ATE1: variants seen among roughly 807,000 people sequenced by gnomAD.
The protein encoded by ATE1 is arginyl-tRNA--protein transferase 1.
ATE1 carries 36 observed loss-of-function variants against 70.5 expected under a neutral mutation model. That is an observed-to-expected ratio of 0.51 (90% CI 0.39 to 0.67). ATE1 has a LOEUF of 0.67. Ranked by LOEUF, ATE1 falls within the 30% of genes least tolerant of loss-of-function variation. The pLI is 0.00. For synonymous variants in ATE1, 232 were observed against 219.3 expected (o/e 1.06, Z -0.51); for missense variants, 593 against 629.5 (o/e 0.94, Z 0.62).
chr10:121,921,015 C>T (rs6585767), intron 3 of ATE1, among the ~76,000 whole-genome samples: 136,454 of 151,590 alleles, frequency 0.9, 61,553 homozygotes, highest in Middle Eastern at 0.96. Context: ...AAAAAAAAAA[C>T]TGGACTCTAA....
intron 8 of ATE1, among the ~76,000 whole-genome samples, chr10:121,858,062 T>C (rs1484553666): frequency 6.6e-6 from 1 of 152,222 alleles, no homozygotes; most frequent in Non-Finnish European, 1.5e-5. Context: ...CATATCTATG[T>C]ACCATTTTGT....
At chr10:121,861,650 G>T (rs1051268529) in intron 8 of ATE1, among the ~76,000 whole-genome samples, 1 of 149,696 alleles carries the variant, frequency 6.7e-6, no homozygotes, top group East Asian at 2.0e-4. Flanking sequence ...CCTAATGCTA[G>T]ATGACGAGTT....
At chr10:121,794,631 A>C (rs1946583543) in intron 10 of ATE1, among the ~76,000 whole-genome samples, 1 of 132,580 alleles carries the variant, frequency 7.5e-6, no homozygotes, top group African/African-American at 2.9e-5. Flanking sequence ...AAAAAAAAAA[A>C]AAGGAGAAGA....
intron 7 of ATE1, among the ~76,000 whole-genome samples, chr10:121,895,825 A>G (rs752771805): frequency 2.0e-5 from 3 of 152,216 alleles, no homozygotes; most frequent in Admixed American, 1.3e-4. Flanking sequence ...TGGCTAAGGC[A>G]TAAGAATCAC....
At chr10:121,874,619 C>T (rs1949971236) in intron 7 of ATE1, among the ~76,000 whole-genome samples, 2 of 152,102 alleles carry the variant, frequency 1.3e-5, no homozygotes, top group South Asian at 2.1e-4. Context: ...ATTCTCTATC[C>T]CAATTGCAAG....
chr10:121,769,705 A>G (rs868298328), intron 11 of ATE1, among the ~76,000 whole-genome samples: 12 of 152,376 alleles, frequency 7.9e-5, no homozygotes, highest in Middle Eastern at 3.4e-3. Flanking sequence ...CACAAAGAAC[A>G]TGAGGAGACA....
chr10:121,853,575 C>T (rs776702453), intron 8 of ATE1, among the ~76,000 whole-genome samples: 32 of 151,490 alleles, frequency 2.1e-4, no homozygotes, highest in Non-Finnish European at 1.9e-4. Context: ...ATCCAAAATC[C>T]GAAATACTTT....
intron 5 of ATE1, among the ~76,000 whole-genome samples, chr10:121,904,012 C>T (rs1313136093): frequency 6.6e-6 from 1 of 150,668 alleles, no homozygotes; most frequent in East Asian, 2.0e-4. Flanking sequence ...CAGAGTCTCG[C>T]TCTGTCACCC....
chr10:121,846,157 C>G (rs1948812480), intron 8 of ATE1, among the ~76,000 whole-genome samples: 1 of 150,552 alleles, frequency 6.6e-6, no homozygotes, highest in Admixed American at 6.6e-5. Context: ...ACCAAAATAC[C>G]CAACATTGAG....
At chr10:121,850,918 C>T (rs4752608) in intron 8 of ATE1, among the ~76,000 whole-genome samples, 44,514 of 151,306 alleles carry the variant, frequency 0.29, 7,808 homozygotes, top group Middle Eastern at 0.41. Context: ...AGTGAAACCC[C>T]GTTTCTACTA....
intron 11 of ATE1, among the ~76,000 whole-genome samples, chr10:121,770,085 T>C (rs1159875817): frequency 6.6e-6 from 1 of 152,220 alleles, no homozygotes; most frequent in Non-Finnish European, 1.5e-5. Flanking sequence ...AGTCCTAAAC[T>C]GAAAAACAAC....
chr10:121,819,812 C>G (rs543125674), intron 10 of ATE1, among the ~76,000 whole-genome samples: 2 of 151,664 alleles, frequency 1.3e-5, no homozygotes, highest in East Asian at 1.9e-4. Flanking sequence ...CTGTTCCCCG[C>G]CCCCCAACAA....
At position 121,927,198 on chromosome 10, in the gene ATE1, G is replaced by A. The variant is rs993865007; in HGVS notation, c.106+646C>T. On this transcript the variant is annotated intron_variant, in intron 1 of 11. Transcript: ENST00000224652. ...GATGGAAAAACAAAACAAACTTGTG[G>A]GCTGGCTTTGCTGTCGTCCGGGTGG... 2.0e-5 allele frequency: 20 copies of A among 985,446 alleles called. No individual in the cohort carries two copies. In the African/African-American group the frequency reaches 3.3e-4, roughly 16 times the overall value. The allele number at this position is 985,446 out of a possible 1,614,324, so 61.0% of individuals were successfully genotyped here.
chr10:121,842,601 A>G (rs1948670250), intron 8 of ATE1, among the ~76,000 whole-genome samples: 1 of 152,204 alleles, frequency 6.6e-6, no homozygotes. Flanking sequence ...ATCAAATCCA[A>G]CAATATATAA....
At chr10:121,782,366 A>C (rs1216127564) in intron 11 of ATE1, 1 of 152,228 alleles carries the variant, frequency 6.6e-6, no homozygotes, top group Non-Finnish European at 1.5e-5. Flanking sequence ...TCAAATGTGG[A>C]AATTTTAAAG....
intron 11 of ATE1, among the ~76,000 whole-genome samples, chr10:121,767,560 T>C (rs1945327475): frequency 6.6e-6 from 1 of 152,202 alleles, no homozygotes; most frequent in African/African-American, 2.4e-5. Flanking sequence ...ACATAGAAAC[T>C]AGCTGCATTG....
At chr10:121,924,226 G>A (rs1294067187) in intron 2 of ATE1, 40 bp downstream of exon 2, 12 of 1,586,720 alleles carry the variant, frequency 7.6e-6, no homozygotes, top group Non-Finnish European at 1.0e-5. Flanking sequence ...TCAAGAACCT[G>A]AGTAACAGTA....
intron 10 of ATE1, among the ~76,000 whole-genome samples, chr10:121,812,963 C>T (rs1947386286): frequency 6.6e-6 from 1 of 152,190 alleles, no homozygotes; most frequent in African/African-American, 2.4e-5. Flanking sequence ...AGTCGTATAC[C>T]TCTTTCACTA....
chr10:121,827,599 G>A (rs905255834), intron 10 of ATE1, among the ~76,000 whole-genome samples: 8 of 152,294 alleles, frequency 5.3e-5, no homozygotes, highest in Non-Finnish European at 7.4e-5. Context: ...CACTAAAACA[G>A]TACCAAGTCT....
Sources: gnomAD v4.1 joint callset for allele counts (sites outside exome capture counted in the v4.1 genomes callset) on GRCh38, gnomAD v4.1.1 for gene constraint, MANE v1.5 for transcripts, NCBI Gene and HGNC (gene_info 2026-07-23, HGNC 2026-07-21) for gene names.